The following GATAD2A variants were observed in gnomAD, a reference collection of about 807,000 sequenced individuals.
The protein encoded by GATAD2A is GATA zinc finger domain containing 2A.
In GATAD2A, 12 loss-of-function variants were observed where a neutral mutation model predicts 68.5. The ratio of observed to expected loss-of-function variants is 0.18; its 90% CI spans 0.11 to 0.28. The LOEUF (loss-of-function observed/expected upper bound fraction) is 0.28, where lower values mean the gene tolerates loss of function less well. GATAD2A is among the 10% of genes least tolerant of loss of function. The pLI is 1.00. For missense variants in GATAD2A, 755 were observed against 868.5 expected (o/e 0.87, Z 1.64); for synonymous variants, 410 against 375.3 (o/e 1.09, Z -1.07).
intron 1 of GATAD2A, chr19:19,436,037 T>C: frequency 7.2e-6 from 4 of 553,154 alleles, no homozygotes; most frequent in Non-Finnish European, 1.2e-5. Context: ...TTTTGCTATG[T>C]AATTCCAGGG....
intron 1 of GATAD2A, among the ~76,000 whole-genome samples, chr19:19,447,401 A>G (rs569745952): frequency 1.3e-5 from 2 of 152,218 alleles, no homozygotes; most frequent in African/African-American, 2.4e-5. Context: ...ATTAAGTATC[A>G]TGTTTTACCA....
chr19:19,498,311 A>G (rs1001387152), intron 7 of GATAD2A, 132 bp from the exon 8 acceptor site: 1 of 778,816 alleles, frequency 1.3e-6, no homozygotes, highest in African/African-American at 1.8e-5. Flanking sequence ...GGCTGGGTTC[A>G]CTTTTGTTAA....
chr19:19,478,880 A>C (rs2058860620), intron 2 of GATAD2A, among the ~76,000 whole-genome samples: 1 of 152,266 alleles, frequency 6.6e-6, no homozygotes, highest in Middle Eastern at 3.4e-3. Context: ...CCTGTGACAT[A>C]TTAGCATAAA....
At chr19:19,495,634 T>TAAA (rs3067692) in intron 5 of GATAD2A, 120 bp from the exon 6 acceptor site, 29,047 of 539,480 alleles carry the variant, frequency 0.054, 470 homozygotes, top group African/African-American at 0.14. Context: ...CTCTGCTACT[T>TAAA]AAAAAAAAAA....
intron 1 of GATAD2A, among the ~76,000 whole-genome samples, chr19:19,393,772 G>A (rs1432056579): frequency 1.3e-5 from 2 of 152,080 alleles, no homozygotes; most frequent in East Asian, 1.9e-4. Context: ...AGAAATTATG[G>A]CATTTTCCTA....
intron 7 of GATAD2A, among the ~76,000 whole-genome samples, chr19:19,496,651 C>T (rs1439368600): frequency 1.3e-5 from 2 of 152,352 alleles, no homozygotes; most frequent in Admixed American, 6.5e-5. Context: ...TTCCGATTGC[C>T]TCCTCAGCAA....
At position 19,465,535 on chromosome 19, in the gene GATAD2A, A is replaced by C; in HGVS notation, c.190A>C (p.Thr64Pro). The change falls in exon 2 of 12, where the codon ACA (threonine) becomes CCA (proline). Residue 64 changes from threonine to proline, a missense_variant. Transcript: ENST00000683918. ...TCCAACCCAAGGATTGCTGAGGGCAACAGAGGCCACGGCCATGGCCATGGG... is the reference window on the plus strand; with the variant it reads ...TCCAACCCAAGGATTGCTGAGGGCACCAGAGGCCACGGCCATGGCCATGGG... ...AGPTQGLLRA[T>P]EATAMAMGRG... 9.9e-6 allele frequency: 16 copies of C among 1,613,966 alleles called. No individual in the cohort carries two copies. Among genetic ancestry groups the C allele is most frequent in the Non-Finnish European group, 1.3e-5 (15 of 1,179,828 alleles).
chr19:19,426,085 G>A (rs1245590516), intron 1 of GATAD2A, among the ~76,000 whole-genome samples: 1 of 152,148 alleles, frequency 6.6e-6, no homozygotes, highest in African/African-American at 2.4e-5. Flanking sequence ...ACTGCACCTG[G>A]CCCCTGCAGA....
intron 1 of GATAD2A, among the ~76,000 whole-genome samples, chr19:19,449,543 G>A (rs1237982690): frequency 2.6e-5 from 4 of 151,392 alleles, no homozygotes; most frequent in Non-Finnish European, 5.9e-5. Context: ...TAATATACCT[G>A]GGTATGTTTC....
intron 1 of GATAD2A, among the ~76,000 whole-genome samples, chr19:19,397,894 TTTAG>T (rs142215051): frequency 0.019 from 2,884 of 152,176 alleles, 90 homozygotes; most frequent in African/African-American, 0.065. Context: ...GCTAATTTTA[TTTAG>T]TTAGTTAGTT....
chr19:19,485,573 G>A (rs958865850), intron 2 of GATAD2A, among the ~76,000 whole-genome samples: 4 of 152,220 alleles, frequency 2.6e-5, no homozygotes, highest in African/African-American at 9.6e-5. Flanking sequence ...CCTAGAGCAA[G>A]CATTCCGAGG....
intron 2 of GATAD2A, among the ~76,000 whole-genome samples, chr19:19,483,880 G>A (rs944292539): frequency 6.7e-6 from 1 of 150,174 alleles, no homozygotes; most frequent in Non-Finnish European, 1.5e-5. Flanking sequence ...CGCCCGCCTC[G>A]GCCTCCCAAA....
intron 3 of GATAD2A, 63 bp from the exon 4 acceptor site, chr19:19,492,518 G>A: frequency 2.5e-6 from 4 of 1,611,388 alleles, no homozygotes; most frequent in Non-Finnish European, 2.5e-6. Context: ...AGCTAGTGAT[G>A]GCAGGGCCTC....
intron 2 of GATAD2A, among the ~76,000 whole-genome samples, chr19:19,487,708 T>C (rs2059536335): frequency 6.6e-6 from 1 of 152,102 alleles, no homozygotes; most frequent in African/African-American, 2.4e-5. Flanking sequence ...AGGCAGAACA[T>C]GGCCATGCTG....
chr19:19,505,827 C>G lies in GATAD2A; in HGVS notation c.*353C>G. 1 of 436,618 alleles carries G rather than the reference C, an allele frequency of 2.3e-6. No homozygotes were observed. The highest frequency in any genetic ancestry group is 3.5e-5 in the East Asian group (1 of 28,202). The allele number at this position is 436,618 out of a possible 1,614,324, so 27.0% of individuals were successfully genotyped here. On this transcript the variant is annotated 3_prime_UTR_variant, in exon 12 of 12. Coordinates refer to ENST00000683918, the MANE Select transcript of GATAD2A (RefSeq NM_001384528.1). Reference sequence around the variant, plus strand: ...TGTTCAGCCCCTGCCGGCACACGGGCGGCTCACCCTGGACACTGTGATGCG... The same window carrying G: ...TGTTCAGCCCCTGCCGGCACACGGGGGGCTCACCCTGGACACTGTGATGCG...
At chr19:19,496,379 G>A (rs977561912) in intron 7 of GATAD2A, among the ~76,000 whole-genome samples, 160 bp downstream of exon 7, 1 of 152,126 alleles carries the variant, frequency 6.6e-6, no homozygotes, top group African/African-American at 2.4e-5. Flanking sequence ...TTGAGCTCCT[G>A]GGGGCCACAG....
intron 1 of GATAD2A, among the ~76,000 whole-genome samples, chr19:19,419,917 G>C (rs1238525378): frequency 6.6e-6 from 1 of 151,856 alleles, no homozygotes; most frequent in East Asian, 1.9e-4. Context: ...CAGCGGTTCA[G>C]GTTTGAGCCT....
At chr19:19,501,869 A>G (rs546959162) in intron 9 of GATAD2A, 100 bp from the exon 10 acceptor site, 13 of 839,348 alleles carry the variant, frequency 1.5e-5, no homozygotes, top group African/African-American at 1.4e-4. Context: ...TGGCGCCTAA[A>G]GTCCCCAGGG....
chr19:19,386,531 G>A (rs1449167949), intron 1 of GATAD2A, among the ~76,000 whole-genome samples: 2 of 151,658 alleles, frequency 1.3e-5, no homozygotes, highest in Non-Finnish European at 2.9e-5. Flanking sequence ...CCTCTCTAGG[G>A]GACTCCCATC....
Sources: gnomAD v4.1 joint callset for allele counts (sites outside exome capture counted in the v4.1 genomes callset) on GRCh38, gnomAD v4.1.1 for gene constraint, MANE v1.5 for transcripts, NCBI Gene and HGNC (gene_info 2026-07-23, HGNC 2026-07-21) for gene names.